Variants in DLG1 observed in about 807,000 individuals in gnomAD.
DLG1 encodes discs large MAGUK scaffold protein 1.
A neutral mutation model predicts 123.4 loss-of-function variants in DLG1; 42 were observed. The observed-to-expected ratio is 0.34, with a 90% CI of 0.27 to 0.44. DLG1 has a LOEUF of 0.44. Ranked by LOEUF, DLG1 falls within the 20% of genes least tolerant of loss-of-function variation. The pLI is 1.00. For synonymous variants in DLG1, 317 were observed against 356.2 expected (o/e 0.89, Z 1.24); for missense variants, 942 against 1,082.6 (o/e 0.87, Z 1.82).
At chr3:197,066,874 A>G (rs1262982765) in intron 19 of DLG1, 120 bp from the exon 20 acceptor site, 34 of 597,702 alleles carry the variant, frequency 5.7e-5, no homozygotes, top group Non-Finnish European at 9.0e-5. Flanking sequence ...AGATATGGAA[A>G]GAGGTACTTT....
intron 2 of DLG1, chr3:197,296,956 G>A (rs1419959694): frequency 1.8e-6 from 1 of 551,730 alleles, no homozygotes; most frequent in East Asian, 3.2e-5. Flanking sequence ...CATCTGTTGG[G>A]GGGGGGCTAA....
intron 20 of DLG1, 55 bp downstream of exon 20, chr3:197,066,649 A>G: frequency 7.2e-7 from 1 of 1,388,710 alleles, no homozygotes; most frequent in Non-Finnish European, 9.9e-7. Flanking sequence ...TTTTCCCCCA[A>G]ATTAAAAAGT....
intron 18 of DLG1, among the ~76,000 whole-genome samples, chr3:197,073,366 T>C (rs1047333679): frequency 6.6e-6 from 1 of 152,208 alleles, no homozygotes; most frequent in African/African-American, 2.4e-5. Flanking sequence ...TCAAATCTTA[T>C]GTCATAATTT....
At chr3:197,250,007 C>T (rs1033002627) in intron 4 of DLG1, among the ~76,000 whole-genome samples, 7 of 152,096 alleles carry the variant, frequency 4.6e-5, no homozygotes, top group Non-Finnish European at 7.3e-5. Flanking sequence ...TGGACCAAGA[C>T]AAAAATGCCT....
intron 5 of DLG1, among the ~76,000 whole-genome samples, chr3:197,167,718 A>T (rs943517898): frequency 1.3e-5 from 2 of 152,230 alleles, no homozygotes. Context: ...TGATATAAAA[A>T]ACTGCACATA....
intron 16 of DLG1, among the ~76,000 whole-genome samples, chr3:197,082,924 A>G (rs1006485304): frequency 2.0e-5 from 3 of 152,228 alleles, no homozygotes; most frequent in Non-Finnish European, 1.5e-5. Context: ...GTGTAGGCAC[A>G]GAAAGCCTTT....
chr3:197,295,193 T>C (rs570539920), intron 3 of DLG1, among the ~76,000 whole-genome samples: 190 of 152,310 alleles, frequency 1.2e-3, no homozygotes, highest in African/African-American at 4.2e-3. Flanking sequence ...TATGTATCCT[T>C]ATGTTTTTAA....
chr3:197,227,095 T>A (rs1371542218), intron 4 of DLG1, among the ~76,000 whole-genome samples: 1 of 152,232 alleles, frequency 6.6e-6, no homozygotes, highest in African/African-American at 2.4e-5. Flanking sequence ...TACTGCTTCA[T>A]CTATGTAATT....
intron 5 of DLG1, among the ~76,000 whole-genome samples, chr3:197,187,842 T>C (rs868572569): frequency 6.6e-6 from 1 of 152,212 alleles, no homozygotes; most frequent in East Asian, 1.9e-4. Context: ...CTCTTCGACA[T>C]TAAGATTTTT....
chr3:197,250,886 C>G (rs1479267529), intron 4 of DLG1, among the ~76,000 whole-genome samples: 3 of 147,280 alleles, frequency 2.0e-5, no homozygotes, highest in East Asian at 4.1e-4. Flanking sequence ...CCCAACTACT[C>G]AGGAGGCTGT....
chr3:197,156,906 T>C (rs1010812847), intron 5 of DLG1, among the ~76,000 whole-genome samples: 2 of 152,042 alleles, frequency 1.3e-5, no homozygotes, highest in Non-Finnish European at 2.9e-5. Flanking sequence ...ATATGATAAG[T>C]AAGGAAATAG....
chr3:197,078,273 T>C (rs1391553177), intron 17 of DLG1, among the ~76,000 whole-genome samples: 3 of 151,442 alleles, frequency 2.0e-5, no homozygotes, highest in African/African-American at 4.9e-5. Flanking sequence ...GCTATGATCA[T>C]ACCATTGCAT....
intron 5 of DLG1, among the ~76,000 whole-genome samples, chr3:197,152,762 CAAAAAAAAAAAA>C (rs63446260): frequency 1.9e-5 from 1 of 52,532 alleles, no homozygotes; most frequent in Non-Finnish European, 3.5e-5. Flanking sequence ...GACTCTGTCT[CAAAAAAAAAAAA>C]AAAAAAAAAA....
intron 15 of DLG1, 51 bp downstream of exon 15, chr3:197,090,861 T>C: frequency 9.3e-7 from 1 of 1,076,676 alleles, no homozygotes; most frequent in Non-Finnish European, 1.4e-6. Context: ...CAAAATAATT[T>C]ACATGCATAA....
At chr3:197,102,085 T>G (rs1763787836) in intron 14 of DLG1, among the ~76,000 whole-genome samples, 1 of 152,136 alleles carries the variant, frequency 6.6e-6, no homozygotes, top group African/African-American at 2.4e-5. Context: ...TCCAAAAAGA[T>G]TAACAGTAAA....
intron 5 of DLG1, among the ~76,000 whole-genome samples, chr3:197,191,400 A>T (rs2150230129): frequency 6.6e-6 from 1 of 152,276 alleles, no homozygotes; most frequent in South Asian, 2.1e-4. Flanking sequence ...ATGAGATTTA[A>T]AGAATAGGCT....
In DLG1 at chr3:197,060,018, G is replaced by GAA; in HGVS notation, c.2374-22_2374-21dup. On this transcript the variant is annotated intron_variant, in intron 22 of 24. Coordinates refer to ENST00000667157, the MANE Select transcript of DLG1 (RefSeq NM_001366207.1). ...TTTGCCCTAAAATAAAGGGAACAAA[G>GAA]AAAAAAAACAAGTGAGCCAAATATT... 1 of 1,570,204 alleles carries GAA rather than the reference G, an allele frequency of 6.4e-7. No individual in the cohort carries two copies. Among genetic ancestry groups the GAA allele is most frequent in the African/African-American group, 1.4e-5 (1 of 72,986 alleles).
Position 197,249,772 on chromosome 3 carries a change from A to G in DLG1, c.318+32907T>C, listed in dbSNP as rs147852008. On this transcript the variant is annotated intron_variant, in intron 4 of 24. Coordinates refer to ENST00000667157, the MANE Select transcript of DLG1 (RefSeq NM_001366207.1). ...AAGGATGGTGTGACATACACAAACC[A>G]ATAAACATGATACATCACATTAACA... Among the ~76,000 whole-genome samples the G allele has an allele frequency of 3.4e-3, 517 of 152,356 alleles. 4 individuals carry two copies. The highest frequency in any genetic ancestry group is 0.012 in the African/African-American group (483 of 41,584).
intron 5 of DLG1, among the ~76,000 whole-genome samples, chr3:197,172,023 A>C (rs747528498): frequency 4.6e-5 from 7 of 152,060 alleles, no homozygotes; most frequent in Non-Finnish European, 7.4e-5. Flanking sequence ...TATTTCCCCC[A>C]CACAAATACA....
Sources: gnomAD v4.1 joint callset for allele counts (sites outside exome capture counted in the v4.1 genomes callset) on GRCh38, gnomAD v4.1.1 for gene constraint, MANE v1.5 for transcripts, NCBI Gene and HGNC (gene_info 2026-07-23, HGNC 2026-07-21) for gene names.